Variants in MAPK15 observed in about 807,000 individuals in gnomAD.
The protein encoded by MAPK15 is ERK-7.
Under a neutral mutation model 60.8 loss-of-function variants are expected in MAPK15, and 61 were observed. The observed-to-expected ratio is 1.00, with a 90% CI of 0.82 to 1.24. The LOEUF is 1.24. Ranked by LOEUF, MAPK15 falls within the 50% of genes most tolerant of loss-of-function variation. The pLI is 0.00. For missense variants in MAPK15, 808 were observed against 741.1 expected, an observed-to-expected ratio of 1.09 and a Z score of -1.05; for synonymous variants, 356 against 319.9, an observed-to-expected ratio of 1.11 and a Z score of -1.21.
rs188316962 is a variant in MAPK15, at chr8:143,721,245, T to C, written c.1038T>C (p.Cys346=). The C allele has an allele frequency of 2.9e-3, 4,608 of 1,611,032 alleles. 148 individuals are homozygous for C. The South Asian group carries it at 0.046, about 16-fold the overall frequency. Residue 346 remains cysteine, a synonymous_variant, in exon 11 of 14, where the codon TGT becomes TGC. Transcript: ENST00000338033. ...RSRVYQMILE[C]GGSSGTSREK... The stretch of plus-strand genomic sequence containing the variant: ...CCCTCCCGCAGATGATCCTGGAGTG[T>C]GGAGGCAGCAGCGGCACCTCGAGAG...
chr8:143,717,625 T>C (rs1265882837), intron 1 of MAPK15, 69 bp from the exon 2 acceptor site: 2 of 1,342,928 alleles, frequency 1.5e-6, no homozygotes, highest in Non-Finnish European at 2.1e-6. Flanking sequence ...CTCATGTCTG[T>C]AGGGACAATC....
intron 1 of MAPK15, among the ~76,000 whole-genome samples, chr8:143,716,862 G>A (rs1322718962): frequency 6.6e-6 from 1 of 152,206 alleles, no homozygotes; most frequent in Non-Finnish European, 1.5e-5. Context: ...CGGTTATGGG[G>A]TGGGCGCAGA....
rs1554619410 is a variant in MAPK15, at chr8:143,720,288, G to A, written c.779+1G>A. Reference sequence around the variant, plus strand: ...CTGTGCTGCACCAGCTGGGGTCCCGGTGAGTGGGGGCACTTCGGTGAGGGT... The same window carrying A: ...CTGTGCTGCACCAGCTGGGGTCCCGATGAGTGGGGGCACTTCGGTGAGGGT... On this transcript the variant is annotated splice_donor_variant, in intron 8 of 13. Transcript: ENST00000338033. LOFTEE classifies it high-confidence loss of function. This position sits in a 1 kb window ranked among gnomAD's most constrained non-coding sequence, Gnocchi z 4.6. 1.9e-6 allele frequency: 3 copies of A among 1,586,510 alleles called. No individual in the cohort carries two copies. The highest frequency in any genetic ancestry group is 3.5e-5 in the Admixed American group (2 of 56,660).
Position 143,718,192 on chromosome 8 carries a change from G to T in MAPK15, c.196-20G>T, listed in dbSNP as rs782090140. On this transcript the variant is annotated intron_variant, in intron 3 of 13. Transcript: ENST00000338033. ...CACAGCCCCTCCTGGCCTTCCAGCC[G>T]CCTCCGACTCTCTCCCCAGGAGTTT... The T allele has an allele frequency of 6.2e-7, 1 of 1,613,462 alleles. No homozygotes were observed. The highest frequency in any genetic ancestry group is 1.7e-5 in the Admixed American group (1 of 60,008).
chr8:143,722,365 TC>T lies in MAPK15; in HGVS notation c.*116del. On this transcript the variant is annotated 3_prime_UTR_variant, in exon 14 of 14. Coordinates refer to ENST00000338033, the MANE Select transcript of MAPK15 (RefSeq NM_139021.3). Reference sequence around the variant, plus strand: ...CCTGCTTTGCCTGGCCCGTTGAAGTTCCAGGGAGCTTGCCCGGGTCTCCTCG... The same window carrying T: ...CCTGCTTTGCCTGGCCCGTTGAAGTTCAGGGAGCTTGCCCGGGTCTCCTCG... The T allele has an allele frequency of 3.0e-6, 3 of 985,146 alleles. No homozygotes were observed. Among genetic ancestry groups the T allele is most frequent in the East Asian group, 2.9e-5 (1 of 34,894 alleles). 61.0% of individuals were successfully genotyped at this position (985,146 alleles called of 1,614,324 possible).
chr8:143,716,480 G>A (rs1187055728), intron 1 of MAPK15, 37 bp downstream of exon 1: 8 of 1,582,092 alleles, frequency 5.1e-6, no homozygotes, highest in Non-Finnish European at 6.9e-6. Context: ...GCCGAGGGGC[G>A]CGGCAGATCT....
chr8:143,718,364 G>T (rs1296912736), intron 4 of MAPK15, 62 bp downstream of exon 4: 5 of 1,497,950 alleles, frequency 3.3e-6, no homozygotes, highest in African/African-American at 2.8e-5. Context: ...GCCGTCTGCG[G>T]GTCCCTCTGC....
chr8:143,718,155 TG>T, intron 3 of MAPK15, 56 bp from the exon 4 acceptor site: 2 of 1,613,052 alleles, frequency 1.2e-6, no homozygotes. Context: ...CTGGCCTTCT[TG>T]GGCCCCAGAG....
At chr8:143,717,108 G>A (rs1358516065) in intron 1 of MAPK15, among the ~76,000 whole-genome samples, 2 of 152,124 alleles carry the variant, frequency 1.3e-5, no homozygotes, top group Non-Finnish European at 2.9e-5. Flanking sequence ...GAGCTTTGGG[G>A]AACTTCCAAG....
Position 143,717,751 on chromosome 8 carries a change from A to G in MAPK15, c.124A>G (p.Lys42Glu). ...GAGGACTGGTGAGGTCGTGGCCATC[A>G]AGAAAATCTTTGATGCTTTTAGGGA... ...DRRTGEVVAI[K>E]KIFDAFRDKT... The change falls in exon 2 of 14, where the codon AAG (lysine) becomes GAG (glutamate). Residue 42 changes from lysine (K) to glutamate (E), a missense_variant. Lys to Glu is a moderately conservative substitution (Grantham distance 56). Transcript: ENST00000338033. 6.2e-7 allele frequency: 1 copy of G among 1,612,558 alleles called. No homozygotes were observed. Among genetic ancestry groups the G allele is most frequent in the South Asian group, 1.1e-5 (1 of 90,508 alleles).
chr8:143,721,908 CCCT>C (rs1251511096), intron 13 of MAPK15, 28 bp downstream of exon 13: 1 of 1,537,846 alleles, frequency 6.5e-7, no homozygotes, highest in African/African-American at 1.4e-5. Flanking sequence ...TGCCCCCGTC[CCCT>C]CATCCTCCTT....
chr8:143,718,095 C>G lies in MAPK15; in HGVS notation c.195+19C>G. 1 of 1,614,078 alleles carries G rather than the reference C, an allele frequency of 6.2e-7. No homozygotes were observed. Among genetic ancestry groups the G allele is most frequent in the Non-Finnish European group, 8.5e-7 (1 of 1,179,972 alleles). On this transcript the variant is annotated intron_variant, in intron 3 of 13. Transcript: ENST00000338033. Reference sequence around the variant, plus strand: ...CCTCCAGGTGAGTGGCCTGGGCCCTCCAGTCCAATCCCCTTGCCCAGGTAC... The same window carrying G: ...CCTCCAGGTGAGTGGCCTGGGCCCTGCAGTCCAATCCCCTTGCCCAGGTAC...
chr8:143,722,144 G>A lies in MAPK15; in HGVS notation c.1528G>A (p.Ala510Thr). Residue 510 changes from alanine (A) to threonine (T), a missense_variant, in exon 14 of 14, where the codon GCC becomes ACC. Transcript: ENST00000338033. The stretch of plus-strand genomic sequence containing the variant: ...GTTCAGCACCTCTGCCTTGCAGGGT[G>A]CCCAGGGGGGTGCCAGGGCTTTGCT... The part of the protein sequence containing the change: ...RMFSTSALQG[A>T]QGGARALLGG... 1 of 1,611,814 alleles carries A rather than the reference G, an allele frequency of 6.2e-7. No individual in the cohort carries two copies. Among genetic ancestry groups the A allele is most frequent in the South Asian group, 1.1e-5 (1 of 90,982 alleles).
chr8:143,719,509 C>G, intron 7 of MAPK15, 27 bp downstream of exon 7: 1 of 1,603,654 alleles, frequency 6.2e-7, no homozygotes, highest in Non-Finnish European at 8.5e-7. Flanking sequence ...GGGCTGGGCA[C>G]CGGGAATGCT....
rs1359322005 is a variant in MAPK15 at position 143,718,856 on chromosome 8, G to A, written c.368G>A (p.Arg123Gln). 3.5e-5 allele frequency: 56 copies of A among 1,611,864 alleles called. No individual in the cohort carries two copies. Among genetic ancestry groups the A allele is most frequent in the Non-Finnish European group, 4.4e-5 (52 of 1,179,632 alleles). ...HVRSIFYQLLRATRFLHSGHV... is the reference protein window; with the variant it reads ...HVRSIFYQLLQATRFLHSGHV... ...CGCTCCATCTTCTACCAGCTCCTGC[G>A]GGCCACCCGGTTCCTCCACTCGGGG... Residue 123 changes from arginine to glutamine, a missense_variant, in exon 5 of 14, where the codon CGG becomes CAG. Physicochemically the swap from Arg to Gln is conservative, Grantham distance 43. Coordinates refer to ENST00000338033, the MANE Select transcript of MAPK15 (RefSeq NM_139021.3).
In MAPK15 at chr8:143,718,679, A is replaced by C. The variant is rs376562561; in HGVS notation, c.287-96A>C. 2.8e-4 allele frequency: 335 copies of C among 1,197,872 alleles called. No individual in the cohort carries two copies. In the African/African-American group the frequency reaches 4.3e-3, roughly 15 times the overall value. 74.2% of individuals were successfully genotyped at this position (1,197,872 alleles called of 1,614,324 possible). Reference sequence around the variant, plus strand: ...GGGCGGCCAGGCCGTGGGCTGGTTCAAAGTGGGACAGACCTGCCAGGTGCC... The same window carrying C: ...GGGCGGCCAGGCCGTGGGCTGGTTCCAAGTGGGACAGACCTGCCAGGTGCC... On this transcript the variant is annotated intron_variant, in intron 4 of 13. Coordinates refer to ENST00000338033, the MANE Select transcript of MAPK15 (RefSeq NM_139021.3).
At position 143,721,837 on chromosome 8, in the gene MAPK15, A is replaced by C. The variant is rs1818088822; in HGVS notation, c.1415A>C (p.Asp472Ala). 6.2e-7 allele frequency: 1 copy of C among 1,609,512 alleles called. No homozygotes were observed. The highest frequency in any genetic ancestry group is 1.3e-5 in the African/African-American group (1 of 74,832). The change falls in exon 13 of 14, where the codon GAC becomes GCC. Residue 472 changes from aspartate (D) to alanine (A), a missense_variant. Asp to Ala is a moderately radical substitution (Grantham distance 126). Coordinates refer to ENST00000338033, the MANE Select transcript of MAPK15 (RefSeq NM_139021.3). ...QVANQALIRGDWNRGGGVRVA... is the reference protein window; with the variant it reads ...QVANQALIRGAWNRGGGVRVA... ...GCCAACCAGGCCCTGATCCGGGGTG[A>C]CTGGAACCGGGGCGGTGGGGTGAGG...
Position 143,722,382 on chromosome 8 carries a change from G to A in MAPK15, c.*131G>A. 1 of 777,452 alleles carries A rather than the reference G, an allele frequency of 1.3e-6. No individual in the cohort carries two copies. Among genetic ancestry groups the A allele is most frequent in the East Asian group, 3.1e-5 (1 of 32,732 alleles). 48.2% of individuals were successfully genotyped at this position (777,452 alleles called of 1,614,324 possible). A position where few individuals can be genotyped will look rare whatever the true frequency, so the allele number is the denominator to read the frequency against. ...GTTGAAGTTCCAGGGAGCTTGCCCG[G>A]GTCTCCTCGGGGGAGCAGATGAGGG... is the stretch of plus-strand genomic sequence containing the variant. On this transcript the variant is annotated 3_prime_UTR_variant, in exon 14 of 14. Coordinates refer to ENST00000338033, the MANE Select transcript of MAPK15 (RefSeq NM_139021.3).
rs369699832 is a variant in MAPK15, at chr8:143,720,887, G to A, written c.917+47G>A. 4 of 1,597,944 alleles carry A rather than the reference G, an allele frequency of 2.5e-6. No individual in the cohort carries two copies. The African/African-American group carries it at 5.4e-5, about 21-fold the overall frequency. ...CCAAGTGCGGGGGGACAGAGGTGGG[G>A]GCAGGAGAGAGCCAGCCCATGAGGG... On this transcript the variant is annotated intron_variant, in intron 9 of 13. Coordinates refer to ENST00000338033, the MANE Select transcript of MAPK15 (RefSeq NM_139021.3). This position sits in a 1 kb window ranked among gnomAD's most constrained non-coding sequence, Gnocchi z 4.6.
Sources: gnomAD v4.1 joint callset for allele counts (sites outside exome capture counted in the v4.1 genomes callset) on GRCh38, gnomAD v4.1.1 for gene constraint, Gnocchi (gnomAD v3.1) non-coding constraint, MANE v1.5 for transcripts, NCBI Gene and HGNC (gene_info 2026-07-23, HGNC 2026-07-21) for gene names.